Variants in PRIM1 observed in about 807,000 individuals in gnomAD.
The protein encoded by PRIM1 is DNA primase small subunit.
PRIM1 carries 38 observed loss-of-function variants against 60.2 expected under a neutral mutation model. The observed-to-expected ratio is 0.63, with a 90% CI of 0.49 to 0.83. The LOEUF (loss-of-function observed/expected upper bound fraction) is 0.83, where lower values mean the gene tolerates loss of function less well. PRIM1 is among the 40% of genes least tolerant of loss of function. The probability of loss-of-function intolerance (pLI) is 0.00; values close to 1 mark genes in which losing one functional copy is unlikely to be tolerated. For missense variants in PRIM1, 388 were observed against 506.2 expected (o/e 0.77, Z 2.24); for synonymous variants, 158 against 160.2 (o/e 0.99, Z 0.10).
chr12:56,746,395 G>A, intron 4 of PRIM1: 1 of 681,998 alleles, frequency 1.5e-6, no homozygotes, highest in Admixed American at 2.1e-5. Flanking sequence ...CACTCTGGGA[G>A]GCCGAGGTGG....
intron 12 of PRIM1, among the ~76,000 whole-genome samples, chr12:56,733,425 C>T (rs942741147): frequency 1.3e-5 from 2 of 151,212 alleles, no homozygotes; most frequent in African/African-American, 4.9e-5. Context: ...TCCCAAAGTG[C>T]TGGGATTACA....
At chr12:56,743,772 C>A in intron 6 of PRIM1, 1 of 273,552 alleles carries the variant, frequency 3.7e-6, no homozygotes, top group Non-Finnish European at 6.9e-6. Flanking sequence ...CTAAATTTAA[C>A]AACTAACTTG....
chr12:56,744,117 G>T lies in PRIM1; in HGVS notation c.586C>A (p.Gln196Lys). 6.4e-7 allele frequency: 1 copy of T among 1,558,612 alleles called. No individual in the cohort carries two copies. Among genetic ancestry groups the T allele is most frequent in the Non-Finnish European group, 8.7e-7 (1 of 1,148,148 alleles). The change falls in exon 6 of 13, where the codon CAA becomes AAA. Residue 196 changes from glutamine (Q) to lysine (K), a missense_variant. Around this residue, in one of 3 missense-constraint regions of PRIM1, gnomAD observed 211 missense variants for 277.9 expected, o/e 0.76. Coordinates refer to ENST00000338193, the MANE Select transcript of PRIM1 (RefSeq NM_000946.3). ...AGGTGAACTTTCTTTTTAACGTCTTGACCACCCTGAAAAATAAATCATTAA... is the reference window on the plus strand; with the variant it reads ...AGGTGAACTTTCTTTTTAACGTCTTTACCACCCTGAAAAATAAATCATTAA... ...VEYLSLVKGG[Q>K]DVKKKVHLSE...
At chr12:56,751,966 G>GTTTTTT (rs66861394) in intron 1 of PRIM1, among the ~76,000 whole-genome samples, 3 of 79,364 alleles carry the variant, frequency 3.8e-5, no homozygotes, top group African/African-American at 1.6e-4. Flanking sequence ...CGGCGGCTCT[G>GTTTTTT]TTTTTTTTTT....
chr12:56,732,235 G>A (rs2137854986), intron 12 of PRIM1, among the ~76,000 whole-genome samples: 1 of 151,952 alleles, frequency 6.6e-6, no homozygotes, highest in East Asian at 1.9e-4. Context: ...TATCCTCTTT[G>A]TGTTTCTTTC....
At chr12:56,752,089 G>T in intron 1 of PRIM1, 107 bp downstream of exon 1, 2 of 686,404 alleles carry the variant, frequency 2.9e-6, no homozygotes, top group Non-Finnish European at 2.3e-6. Flanking sequence ...GAAGGCGCGC[G>T]GCACAAAGCC....
In PRIM1 at chr12:56,738,531, A is replaced by G; in HGVS notation, c.1053-6T>C. 1 of 1,568,812 alleles carries G rather than the reference A, an allele frequency of 6.4e-7. No homozygotes were observed. Among genetic ancestry groups the G allele is most frequent in the East Asian group, 2.3e-5 (1 of 43,176 alleles). ...CCAATTCACGGCAGATGAAGCTGCAAGTAACAGAACAAGAGAATTTTGTTT... is the reference window on the plus strand; with the variant it reads ...CCAATTCACGGCAGATGAAGCTGCAGGTAACAGAACAAGAGAATTTTGTTT... On this transcript the variant is annotated splice_region_variant and splice_polypyrimidine_tract_variant and intron_variant, in intron 10 of 12. Coordinates refer to ENST00000338193, the MANE Select transcript of PRIM1 (RefSeq NM_000946.3).
At chr12:56,737,351 C>CT (rs11325782) in intron 11 of PRIM1, among the ~76,000 whole-genome samples, 110 of 143,002 alleles carry the variant, frequency 7.7e-4, no homozygotes, top group African/African-American at 2.0e-3. Flanking sequence ...TATGCGGCAT[C>CT]TTTTTTTTTT....
At position 56,746,891 on chromosome 12, in the gene PRIM1, C is replaced by T. The variant is rs373057015; in HGVS notation, c.368+35G>A. The T allele has an allele frequency of 4.7e-5, 75 of 1,612,422 alleles. No homozygotes were observed. The African/African-American group carries it at 9.5e-4, about 20-fold the overall frequency. ...TCATCATTACTCATTGTCAGTGATA[C>T]CACCCACCCTAACAGCAAGACACAC... On this transcript the variant is annotated intron_variant, in intron 3 of 12. Coordinates refer to ENST00000338193, the MANE Select transcript of PRIM1 (RefSeq NM_000946.3).
intron 2 of PRIM1, among the ~76,000 whole-genome samples, chr12:56,749,848 A>G (rs1953933857): frequency 6.6e-6 from 1 of 152,196 alleles, no homozygotes; most frequent in Non-Finnish European, 1.5e-5. Context: ...ACCAGTGTAT[A>G]TATTTGAGAA....
Position 56,749,048 on chromosome 12 carries a change from G to A in PRIM1, c.261+1990C>T, listed in dbSNP as rs550076700. The stretch of plus-strand genomic sequence containing the variant: ...TTTTTAGACAGGGTCTCACTCTGTC[G>A]CCCAGGCTGGAGTGCAGTGGCGTGA... On this transcript the variant is annotated intron_variant, in intron 2 of 12. Coordinates refer to ENST00000338193, the MANE Select transcript of PRIM1 (RefSeq NM_000946.3). Among the ~76,000 whole-genome samples the A allele has an allele frequency of 5.2e-4, 79 of 152,104 alleles. 2 individuals are homozygous for A. The highest frequency in any genetic ancestry group is 4.4e-3 in the South Asian group (21 of 4,818).
rs774465108 is a variant in PRIM1, at chr12:56,747,026, G to C, written c.268C>G (p.Gln90Glu). ...IGAVYSHRPN[Q>E]HNTVKLGAFQ... ...GCTCCCAGCTTCACTGTATTGTGTT[G>C]ATTGGGCTACAGATACAAAATATTG... The change falls in exon 3 of 13, where the codon CAA becomes GAA. Residue 90 changes from glutamine (Q) to glutamate (E), a missense_variant. Gln to Glu is a conservative substitution (Grantham distance 29). Coordinates refer to ENST00000338193, the MANE Select transcript of PRIM1 (RefSeq NM_000946.3). 2.5e-6 allele frequency: 4 copies of C among 1,609,412 alleles called. No homozygotes were observed. Among genetic ancestry groups the C allele is most frequent in the African/African-American group, 1.3e-5 (1 of 74,962 alleles).
intron 12 of PRIM1, among the ~76,000 whole-genome samples, chr12:56,732,759 GC>G (rs1953792704): frequency 8.6e-6 from 1 of 116,000 alleles, no homozygotes; most frequent in Non-Finnish European, 1.9e-5. Flanking sequence ...ACAACCCTTG[GC>G]CTTTTTCCAC....
chr12:56,732,168 TG>T (rs1209040185), intron 12 of PRIM1, among the ~76,000 whole-genome samples: 1 of 152,242 alleles, frequency 6.6e-6, no homozygotes, highest in Non-Finnish European at 1.5e-5. Context: ...TTTTTCATAT[TG>T]GCTTATACAT....
At chr12:56,739,484 TGTTAAGA>T (rs1953857010) in intron 9 of PRIM1, 121 bp from the exon 10 acceptor site, 1 of 545,166 alleles carries the variant, frequency 1.8e-6, no homozygotes, top group Non-Finnish European at 3.1e-6. Context: ...TAAACTTATC[TGTTAAGA>T]AGAGTATTTA....
intron 7 of PRIM1, 82 bp downstream of exon 7, chr12:56,742,905 T>C: frequency 3.8e-6 from 4 of 1,048,580 alleles, no homozygotes; most frequent in Non-Finnish European, 5.4e-6. Context: ...ATATGAGAAC[T>C]TACAAGCAGA....
chr12:56,749,351 G>A (rs1039776885), intron 2 of PRIM1, among the ~76,000 whole-genome samples: 1 of 152,074 alleles, frequency 6.6e-6, no homozygotes, highest in African/African-American at 2.4e-5. Context: ...ACTTGATTTT[G>A]TAAACCATGT....
intron 7 of PRIM1, chr12:56,742,120 G>A (rs1189844438): frequency 5.2e-6 from 2 of 384,288 alleles, no homozygotes; most frequent in Admixed American, 4.0e-5. Flanking sequence ...GGGCATGGTG[G>A]TGCACATCTG....
At chr12:56,738,249 G>C (rs1373815882) in intron 11 of PRIM1, among the ~76,000 whole-genome samples, 185 bp downstream of exon 11, 1 of 152,182 alleles carries the variant, frequency 6.6e-6, no homozygotes, top group Non-Finnish European at 1.5e-5. Context: ...AATATGTGTT[G>C]AATCAGACTG....
Sources: allele counts gnomAD v4.1 joint callset (sites outside exome capture counted in the v4.1 genomes callset), GRCh38; gene constraint gnomAD v4.1.1; regional missense constraint gnomAD v4.1.1; transcripts MANE v1.5; gene names NCBI Gene and HGNC (gene_info 2026-07-23, HGNC 2026-07-21).